The following RCN3 variants were observed in gnomAD, a reference collection of about 807,000 sequenced individuals.
RCN3 encodes the protein reticulocalbin-3.
Under a neutral mutation model 35.9 loss-of-function variants are expected in RCN3, and 41 were observed. That is an observed-to-expected ratio of 1.14 (90% CI 0.89 to 1.48). RCN3 has a LOEUF of 1.48. Ranked by LOEUF, RCN3 falls within the 40% of genes most tolerant of loss-of-function variation. RCN3 has a pLI of 0.00. For synonymous variants in RCN3, 187 were observed against 193.4 expected, an observed-to-expected ratio of 0.97 and a Z score of 0.27; for missense variants, 451 against 471.3, an observed-to-expected ratio of 0.96 and a Z score of 0.40.
chr19:49,532,757 C>G (rs915539078), intron 2 of RCN3, among the ~76,000 whole-genome samples: 14 of 152,158 alleles, frequency 9.2e-5, no homozygotes, highest in Admixed American at 9.2e-4. Flanking sequence ...CTCACTGCAA[C>G]CTCCACCTCC....
rs1038670629 is a variant in RCN3 at position 49,528,628 on chromosome 19, C to A, written c.156C>A (p.Phe52Leu). The change falls in exon 2 of 7, where the codon TTC becomes TTA. Residue 52 changes from phenylalanine to leucine, a missense_variant. Transcript: ENST00000270645. The part of the protein sequence containing the change: ...DAPHDDAHGN[F>L]QYDHEAFLGR... ...CCCATGATGACGCCCACGGGAACTT[C>A]CAGTACGACCATGAGGCTTTCCTGG... 2.5e-6 allele frequency: 4 copies of A among 1,612,554 alleles called. No homozygotes were observed. Among genetic ancestry groups the A allele is most frequent in the African/African-American group, 1.3e-5 (1 of 74,926 alleles).
At chr19:49,538,394 C>T (rs2080147436) in intron 4 of RCN3, among the ~76,000 whole-genome samples, 1 of 150,890 alleles carries the variant, frequency 6.6e-6, no homozygotes, top group Admixed American at 6.6e-5. Context: ...GTCTCGATCT[C>T]CTGACCTCGT....
rs2080168530 is a variant in RCN3 at position 49,542,641 on chromosome 19, C to T, written c.768C>T (p.Asn256=). ...AGTTCCGGGACTTCCGGGATCTGAA[C>T]AAGGATGGGCACCTGGATGGGAGTG... ...RQQFRDFRDL[N]KDGHLDGSEV... Residue 256 remains asparagine (N), a synonymous_variant, in exon 6 of 7, where the codon AAC becomes AAT. Coordinates refer to ENST00000270645, the MANE Select transcript of RCN3 (RefSeq NM_020650.3). 3 of 1,605,670 alleles carry T rather than the reference C, an allele frequency of 1.9e-6. No individual in the cohort carries two copies. In the East Asian group the frequency reaches 6.7e-5, roughly 36 times the overall value.
chr19:49,535,141 G>A (rs559607554), intron 3 of RCN3, among the ~76,000 whole-genome samples: 43 of 152,220 alleles, frequency 2.8e-4, no homozygotes, highest in Middle Eastern at 3.4e-3. Context: ...CTCCCCAGCC[G>A]GGACGTTTCC....
intron 4 of RCN3, among the ~76,000 whole-genome samples, chr19:49,538,261 C>T (rs1167914949): frequency 6.7e-6 from 1 of 150,292 alleles, no homozygotes; most frequent in Non-Finnish European, 1.5e-5. Context: ...CTCCCGGGTT[C>T]ACTCCATTCT....
intron 6 of RCN3, 66 bp downstream of exon 6, chr19:49,542,818 G>T: frequency 7.0e-7 from 1 of 1,427,112 alleles, no homozygotes; most frequent in South Asian, 1.3e-5. Context: ...CTCCAGAAAG[G>T]AGCAAGACCT....
chr19:49,536,802 C>T (rs547682559), intron 3 of RCN3, among the ~76,000 whole-genome samples: 5 of 151,504 alleles, frequency 3.3e-5, no homozygotes, highest in East Asian at 1.9e-4. Context: ...GATGGGGTTT[C>T]GCCATGTTGG....
intron 5 of RCN3, among the ~76,000 whole-genome samples, chr19:49,540,739 C>T (rs887496893): frequency 1.3e-5 from 2 of 151,628 alleles, no homozygotes; most frequent in African/African-American, 4.8e-5. Context: ...ACCTCAGCCT[C>T]CCAAGTAGCT....
At chr19:49,532,898 AC>A (rs1342610652) in intron 2 of RCN3, among the ~76,000 whole-genome samples, 1 of 152,000 alleles carries the variant, frequency 6.6e-6, no homozygotes, top group Admixed American at 6.6e-5. Flanking sequence ...CTGGTCTGGA[AC>A]GTCTGATCTC....
intron 2 of RCN3, among the ~76,000 whole-genome samples, chr19:49,529,078 G>A (rs1276441065): frequency 6.6e-6 from 1 of 152,108 alleles, no homozygotes; most frequent in Non-Finnish European, 1.5e-5. Flanking sequence ...CTACTCGGGA[G>A]GCTGAGGCAG....
At position 49,528,576 on chromosome 19, in the gene RCN3, A is replaced by G. The variant is rs545542861; in HGVS notation, c.104A>G (p.His35Arg). The change falls in exon 2 of 7, where the codon CAC becomes CGC. Residue 35 changes from histidine (H) to arginine (R), a missense_variant. Transcript: ENST00000270645. ...GGCCCTCATGGCCAGGGGAGGGTGC[A>G]CCAGGCGGCCCCCCTGAGCGACGCT... The part of the protein sequence containing the change: ...DAGPHGQGRV[H>R]QAAPLSDAPH... 1 of 1,607,966 alleles carries G rather than the reference A, an allele frequency of 6.2e-7. No individual in the cohort carries two copies. The highest frequency in any genetic ancestry group is 1.3e-5 in the African/African-American group (1 of 74,570).
chr19:49,541,494 T>A (rs2080162674), intron 5 of RCN3, among the ~76,000 whole-genome samples: 1 of 152,112 alleles, frequency 6.6e-6, no homozygotes, highest in Non-Finnish European at 1.5e-5. Context: ...CACGCCTGTA[T>A]TCCCAGCACT....
Position 49,528,616 on chromosome 19 carries a change from C to G in RCN3, c.144C>G (p.Ala48=), listed in dbSNP as rs1157654415. The G allele has an allele frequency of 1.2e-6, 2 of 1,612,162 alleles. No individual in the cohort carries two copies. Among genetic ancestry groups the G allele is most frequent in the African/African-American group, 2.7e-5 (2 of 74,884 alleles). Residue 48 remains alanine, a synonymous_variant, in exon 2 of 7, where the codon GCC becomes GCG. Transcript: ENST00000270645. ...APLSDAPHDD[A]HGNFQYDHEA... Reference sequence around the variant, plus strand: ...TGAGCGACGCTCCCCATGATGACGCCCACGGGAACTTCCAGTACGACCATG... The same window carrying G: ...TGAGCGACGCTCCCCATGATGACGCGCACGGGAACTTCCAGTACGACCATG...
At chr19:49,528,876 T>C (rs922735860) in intron 2 of RCN3, among the ~76,000 whole-genome samples, 162 bp downstream of exon 2, 2 of 152,052 alleles carry the variant, frequency 1.3e-5, no homozygotes, top group South Asian at 2.1e-4. Context: ...TAAGTTAAAA[T>C]TGAGGCCTAA....
intron 4 of RCN3, 73 bp from the exon 5 acceptor site, chr19:49,539,046 T>C (rs1443463865): frequency 8.9e-7 from 1 of 1,121,548 alleles, no homozygotes; most frequent in East Asian, 2.5e-5. Context: ...CTCTCACTCT[T>C]ACCCCAGGGG....
chr19:49,532,666 G>GT (rs1163484148), intron 2 of RCN3, among the ~76,000 whole-genome samples: 1 of 149,282 alleles, frequency 6.7e-6, no homozygotes, highest in African/African-American at 2.5e-5. Context: ...GAGCCACCGT[G>GT]CCCGGCCTAT....
Position 49,534,226 on chromosome 19 carries a change from C to T in RCN3, c.276C>T (p.Asp92=), listed in dbSNP as rs754996056. ...TGGACCGCATGGACCGCGCGGGGGA[C>T]GGCGACGGCTGGGTGTCGCTGGCCG... ...RIVDRMDRAG[D]GDGWVSLAEL... is the part of the protein sequence containing the mutation. Residue 92 remains aspartate (D), a synonymous_variant, in exon 3 of 7, where the codon GAC becomes GAT. Transcript: ENST00000270645. The T allele has an allele frequency of 1.4e-6, 2 of 1,481,368 alleles. No homozygotes were observed. Among genetic ancestry groups the T allele is most frequent in the Non-Finnish European group, 1.8e-6 (2 of 1,120,602 alleles). 91.8% of individuals were successfully genotyped at this position (1,481,368 alleles called of 1,614,324 possible). A position where few individuals can be genotyped will look rare whatever the true frequency, so the allele number is the denominator to read the frequency against.
At chr19:49,540,932 C>CTT (rs1262372704) in intron 5 of RCN3, among the ~76,000 whole-genome samples, 2 of 138,868 alleles carry the variant, frequency 1.4e-5, no homozygotes, top group African/African-American at 2.6e-5. Context: ...GTCCCCATCT[C>CTT]TTTTTTTTTT....
intron 2 of RCN3, among the ~76,000 whole-genome samples, chr19:49,529,511 C>T (rs917616006): frequency 1.6e-4 from 24 of 152,320 alleles, no homozygotes; most frequent in Non-Finnish European, 2.9e-4. Context: ...ACTGATTGAG[C>T]CTGCAAAGGT....
Sources: gnomAD v4.1 joint callset for allele counts (sites outside exome capture counted in the v4.1 genomes callset) on GRCh38, gnomAD v4.1.1 for gene constraint, MANE v1.5 for transcripts, NCBI Gene and HGNC (gene_info 2026-07-23, HGNC 2026-07-21) for gene names.